EP400: variants seen among roughly 807,000 people sequenced by gnomAD.
The protein encoded by EP400 is E1A binding protein p400.
In EP400, 105 loss-of-function variants were observed where a neutral mutation model predicts 354.1. That is an observed-to-expected ratio of 0.30 (90% CI 0.25 to 0.35). The LOEUF is 0.35. EP400 is among the 10% of genes least tolerant of loss of function. The pLI, the probability that EP400 is intolerant of heterozygous loss-of-function variation, is 1.00. For missense variants in EP400, 3,280 were observed against 4,121.0 expected, an observed-to-expected ratio of 0.80 and a Z score of 5.59; for synonymous variants, 1,646 against 1,716.9, an observed-to-expected ratio of 0.96 and a Z score of 1.02.
In EP400 at chr12:131,981,553, G is replaced by A. The variant is rs139101269; in HGVS notation, c.1500G>A (p.Ala500=). The A allele has an allele frequency of 2.5e-4, 395 of 1,602,104 alleles. No homozygotes were observed. Among genetic ancestry groups the A allele is most frequent in the East Asian group, 1.4e-3 (61 of 44,542 alleles). Residue 500 remains alanine (A), a synonymous_variant, in exon 4 of 53, where the codon GCG becomes GCA. Coordinates refer to ENST00000389561, the MANE Select transcript of EP400 (RefSeq NM_015409.5). ...GGGTAGTTTTCCAGCACCCAGGGGC[G>A]GACGCAGGCGTTCCTCTCCAGCAAC... ...HQGVVFQHPG[A]DAGVPLQQLM... is the part of the protein sequence containing the mutation.
intron 7 of EP400, 52 bp downstream of exon 7, chr12:131,987,942 A>G (rs1593328411): frequency 3.6e-6 from 4 of 1,123,416 alleles, no homozygotes; most frequent in Non-Finnish European, 4.7e-6. Context: ...TGGGGGCTTG[A>G]GTTTGCAGTG....
In EP400 at chr12:132,017,235, C is replaced by A. The variant is rs577366642; in HGVS notation, c.3924-300C>A. Among the ~76,000 whole-genome samples, 8 of 152,340 alleles carry A rather than the reference C, an allele frequency of 5.3e-5. No individual in the cohort carries two copies. The South Asian group carries it at 6.2e-4, about 12-fold the overall frequency. ...CACCCTGCCCCTCACTTTGCTCATC[C>A]CCCTTGGATGCCCCCACTTCTCTTT... On this transcript the variant is annotated intron_variant, in intron 19 of 52. Coordinates refer to ENST00000389561, the MANE Select transcript of EP400 (RefSeq NM_015409.5). This position sits in a 1 kb window ranked among gnomAD's most constrained non-coding sequence, Gnocchi z 5.0.
At chr12:131,979,659 T>C (rs774776479) in intron 2 of EP400, 35 bp from the exon 3 acceptor site, 1 of 1,582,314 alleles carries the variant, frequency 6.3e-7, no homozygotes, top group South Asian at 1.2e-5. Context: ...TGGCCTTCAG[T>C]GATCAAAATC....
At position 132,021,091 on chromosome 12, in the gene EP400, C is replaced by G. The variant is rs1209486997; in HGVS notation, c.4460C>G (p.Pro1487Arg). The G allele has an allele frequency of 6.3e-7, 1 of 1,597,232 alleles. No homozygotes were observed. Among genetic ancestry groups the G allele is most frequent in the Non-Finnish European group, 8.5e-7 (1 of 1,178,160 alleles). ...ANPEAKAAAAPFQTSQASASA... is the reference protein window; with the variant it reads ...ANPEAKAAAARFQTSQASASA... ...TTATCGATTGCAGCAGCAGCAGCCC[C>G]GTTTCAGACCTCTCAGGCTTCCGCC... Residue 1487 changes from proline to arginine, a missense_variant, in exon 23 of 53, where the codon CCG (proline) becomes CGG (arginine). Coordinates refer to ENST00000389561, the MANE Select transcript of EP400 (RefSeq NM_015409.5).
At position 132,043,351 on chromosome 12, in the gene EP400, A is replaced by C. The variant is rs370430526; in HGVS notation, c.6255A>C (p.Ala2085=). ...EYLEEDAQKS[A]QEGVLGPHTD... ...TGGAGGAGGATGCCCAGAAGTCCGC[A>C]CAGGAGGGGGTGCTGGGACCACACA... Residue 2085 remains alanine, a synonymous_variant, in exon 33 of 53, where the codon GCA becomes GCC. Coordinates refer to ENST00000389561, the MANE Select transcript of EP400 (RefSeq NM_015409.5). 3 of 1,614,108 alleles carry C rather than the reference A, an allele frequency of 1.9e-6. No homozygotes were observed. The South Asian group carries it at 3.3e-5, about 18-fold the overall frequency.
At chr12:131,970,288 C>T (rs1393095871) in intron 2 of EP400, among the ~76,000 whole-genome samples, 2 of 152,208 alleles carry the variant, frequency 1.3e-5, no homozygotes, top group African/African-American at 2.4e-5. Context: ...ATTCCTGTTC[C>T]ATGCACCAGA....
chr12:132,072,935 G>A (rs879890808), intron 51 of EP400, among the ~76,000 whole-genome samples: 5 of 152,126 alleles, frequency 3.3e-5, no homozygotes, highest in Non-Finnish European at 7.3e-5. Context: ...CCTCACATGA[G>A]TAAAGCACCA....
chr12:132,033,239 C>G lies in EP400; in HGVS notation c.5951+1090C>G, dbSNP rs369402898. The stretch of plus-strand genomic sequence containing the variant: ...CTGGGATTATAGGTGTGAGCCACCG[C>G]GCCTGGCCTATTATTATCTGTAAAG... On this transcript the variant is annotated intron_variant, in intron 30 of 52. Transcript: ENST00000389561. 2.0e-5 allele frequency among the ~76,000 whole-genome samples: 3 copies of G among 152,120 alleles called. No homozygotes were observed. In the South Asian group the frequency reaches 6.2e-4, roughly 32 times the overall value.
rs779840199 is a variant in EP400 at position 132,029,733 on chromosome 12, C to T, written c.5414C>T (p.Ala1805Val). ...TTTGTGATTCCTCCGGTGGTGGCAG[C>T]ACCCCCGTCCCTACGGGTGCCGCGG... ...VAFVIPPVVA[A>V]PPSLRVPRPP... The change falls in exon 28 of 53, where the codon GCA becomes GTA. Residue 1805 changes from alanine (A) to valine (V), a missense_variant. By Grantham distance (64) the Ala-to-Val change is moderately conservative. Transcript: ENST00000389561. The surrounding 1 kb of genome is among the most constrained non-coding windows in gnomAD (Gnocchi z 4.7). 6.2e-7 allele frequency: 1 copy of T among 1,613,084 alleles called. No homozygotes were observed. The highest frequency in any genetic ancestry group is 8.5e-7 in the Non-Finnish European group (1 of 1,180,014).
intron 2 of EP400, chr12:131,963,469 A>C (rs764494768): frequency 1.1e-4 from 133 of 1,260,092 alleles, no homozygotes; most frequent in Non-Finnish European, 1.5e-4. Flanking sequence ...ATAAAATTCT[A>C]ACAAAATTTT....
intron 16 of EP400, among the ~76,000 whole-genome samples, chr12:132,012,361 G>C (rs1893794931): frequency 1.3e-5 from 2 of 152,198 alleles, no homozygotes; most frequent in Admixed American, 6.5e-5. Context: ...TTAGTGTCTG[G>C]TGAGGGCCTG....
intron 1 of EP400, among the ~76,000 whole-genome samples, chr12:131,959,959 A>C (rs1018245542): frequency 1.3e-5 from 2 of 152,192 alleles, no homozygotes; most frequent in Non-Finnish European, 2.9e-5. Flanking sequence ...CAGTTGAGGT[A>C]GTCCTGGAGG....
intron 51 of EP400, among the ~76,000 whole-genome samples, chr12:132,073,032 G>C (rs1032313585): frequency 6.6e-6 from 1 of 152,108 alleles, no homozygotes; most frequent in Admixed American, 6.5e-5. Context: ...CCTGTGAGCA[G>C]CTCGCGGGCA....
At chr12:132,061,740 G>A (rs1317696549) in intron 45 of EP400, among the ~76,000 whole-genome samples, 2 of 152,354 alleles carry the variant, frequency 1.3e-5, no homozygotes, top group East Asian at 3.9e-4. Flanking sequence ...GTGGTAGAGA[G>A]CCAGGACTGT....
rs532195990 is a variant in EP400 at position 131,967,006 on chromosome 12, C to G, written c.1335+5052C>G. On this transcript the variant is annotated intron_variant, in intron 2 of 52. Transcript: ENST00000389561. ...GAAGGATTGCTTGAGTCCTGGAGTT[C>G]GAGGGTGCAGTGAGTCGTGGACATG... 4.6e-5 allele frequency among the ~76,000 whole-genome samples: 7 copies of G among 150,814 alleles called. No individual in the cohort carries two copies. The South Asian group carries it at 8.4e-4, about 18-fold the overall frequency.
chr12:132,076,074 T>C (rs1317039330), intron 51 of EP400: 1 of 221,256 alleles, frequency 4.5e-6, no homozygotes, highest in East Asian at 1.0e-4. Flanking sequence ...CCTCAAAACC[T>C]TGGTGCGTCA....
Position 132,017,744 on chromosome 12 carries a change from G to A in EP400, c.4110+23G>A, listed in dbSNP as rs770341862. The A allele has an allele frequency of 1.9e-5, 28 of 1,507,180 alleles. No individual in the cohort carries two copies. Among genetic ancestry groups the A allele is most frequent in the Admixed American group, 4.7e-5 (2 of 42,922 alleles). The allele number at this position is 1,507,180 out of a possible 1,614,324, so 93.4% of individuals were successfully genotyped here. A position where few individuals can be genotyped will look rare whatever the true frequency, so the allele number is the denominator to read the frequency against. On this transcript the variant is annotated intron_variant, in intron 20 of 52. Transcript: ENST00000389561. The surrounding 1 kb of genome is among the most constrained non-coding windows in gnomAD (Gnocchi z 5.0). Reference sequence around the variant, plus strand: ...AAGGTAAGTGGAGGATCCAGAAAGCGGAATTACTGTTGGATATCTTTTCTA... The same window carrying A: ...AAGGTAAGTGGAGGATCCAGAAAGCAGAATTACTGTTGGATATCTTTTCTA...
At chr12:132,034,542 T>C (rs1298950744) in intron 30 of EP400, among the ~76,000 whole-genome samples, 2 of 152,266 alleles carry the variant, frequency 1.3e-5, no homozygotes, top group African/African-American at 4.8e-5. Flanking sequence ...GCCATCATGA[T>C]GCTCAGTGTT....
rs1896036657 is a variant in EP400 at position 132,070,529 on chromosome 12, T to G, written c.9021+888T>G. On this transcript the variant is annotated intron_variant, in intron 51 of 52. Coordinates refer to ENST00000389561, the MANE Select transcript of EP400 (RefSeq NM_015409.5). This position sits in a 1 kb window ranked among gnomAD's most constrained non-coding sequence, Gnocchi z 4.1. ...CGAGTCCCCCTACCACACCCTTCCT[T>G]GGGTGTAGCGTGCCTATTCTTGGCT... Among the ~76,000 whole-genome samples, 1 of 152,222 alleles carries G rather than the reference T, an allele frequency of 6.6e-6. No individual in the cohort carries two copies. Among genetic ancestry groups the G allele is most frequent in the South Asian group, 2.1e-4 (1 of 4,834 alleles).
Sources: gnomAD v4.1 joint callset for allele counts (sites outside exome capture counted in the v4.1 genomes callset) on GRCh38, gnomAD v4.1.1 for gene constraint, Gnocchi (gnomAD v3.1) non-coding constraint, MANE v1.5 for transcripts, NCBI Gene and HGNC (gene_info 2026-07-23, HGNC 2026-07-21) for gene names.